Variants in PCDH7 observed in about 807,000 individuals in gnomAD.
PCDH7 encodes protocadherin-7.
Under a neutral mutation model 58.9 loss-of-function variants are expected in PCDH7, and 17 were observed. The ratio of observed to expected loss-of-function variants is 0.29; its 90% confidence interval spans 0.20 to 0.43. The LOEUF (loss-of-function observed/expected upper bound fraction) is 0.43. PCDH7 is among the 20% of genes least tolerant of loss of function. The probability of loss-of-function intolerance (pLI) is 1.00; values close to 1 mark genes in which losing one functional copy is unlikely to be tolerated. For synonymous variants in PCDH7, 664 were observed against 616.4 expected, an observed-to-expected ratio of 1.08 and a Z score of -1.14; for missense variants, 1,274 against 1,441.0, an observed-to-expected ratio of 0.88 and a Z score of 1.88.
At chr4:31,061,649 C>G (rs1047221949) in intron 3 of PCDH7, among the ~76,000 whole-genome samples, 3 of 151,516 alleles carry the variant, frequency 2.0e-5, no homozygotes, top group African/African-American at 7.3e-5. Context: ...AATGTTTTAA[C>G]AAAAGAGGCT....
exon 4 of PCDH7, chr4:31,142,561 G>A (rs571031418): frequency 4.4e-6 from 6 of 1,367,612 alleles, no homozygotes; most frequent in Admixed American, 3.8e-5. Context: ...GCTGGATGCC[G>A]GTCCGCACTT....
At chr4:30,724,470 A>G in exon 1 of PCDH7, 1 of 1,614,100 alleles carries the variant, frequency 6.2e-7, no homozygotes, top group Non-Finnish European at 8.5e-7. Context: ...CTGCAGGAAA[A>G]AAACACCAGG....
At chr4:31,033,091 T>C (rs563440169) in intron 3 of PCDH7, among the ~76,000 whole-genome samples, 2 of 152,306 alleles carry the variant, frequency 1.3e-5, no homozygotes, top group East Asian at 3.9e-4. Flanking sequence ...TTTAAAGTAA[T>C]ATTATCTGAT....
At chr4:31,091,950 C>T (rs985457733) in intron 3 of PCDH7, among the ~76,000 whole-genome samples, 1 of 151,832 alleles carries the variant, frequency 6.6e-6, no homozygotes, top group Admixed American at 6.6e-5. Context: ...CAAGCTCAAT[C>T]TGAAGTACGA....
intron 3 of PCDH7, among the ~76,000 whole-genome samples, chr4:30,997,463 T>C (rs886725920): frequency 6.6e-6 from 1 of 152,156 alleles, no homozygotes; most frequent in African/African-American, 2.4e-5. Context: ...AAAATATAAA[T>C]GTGGATGGTA....
chr4:30,834,487 A>C (rs569800686), intron 1 of PCDH7, among the ~76,000 whole-genome samples: 58 of 152,260 alleles, frequency 3.8e-4, no homozygotes, highest in African/African-American at 1.3e-3. Context: ...AGGTGCTTTG[A>C]ACCACTTCAC....
At chr4:30,837,927 T>C (rs929483134) in intron 1 of PCDH7, among the ~76,000 whole-genome samples, 18 of 149,336 alleles carry the variant, frequency 1.2e-4, no homozygotes, top group Middle Eastern at 3.3e-3. Context: ...AACATTATTG[T>C]GTTTGAATCC....
intron 1 of PCDH7, among the ~76,000 whole-genome samples, chr4:30,788,410 T>C (rs1283682198): frequency 6.6e-6 from 1 of 152,114 alleles, no homozygotes; most frequent in Non-Finnish European, 1.5e-5. Context: ...TCTTTCTATG[T>C]GACAATCAAC....
chr4:31,118,232 G>T (rs947504094), intron 3 of PCDH7, among the ~76,000 whole-genome samples: 3 of 152,166 alleles, frequency 2.0e-5, no homozygotes, highest in Admixed American at 1.3e-4. Context: ...TTGTAAGAAA[G>T]TAGCTAAGCT....
At chr4:31,001,546 C>CATGGGATG (rs1491232800) in intron 3 of PCDH7, among the ~76,000 whole-genome samples, 2 of 151,856 alleles carry the variant, frequency 1.3e-5, no homozygotes, top group Non-Finnish European at 1.5e-5. Flanking sequence ...CCATCATACC[C>CATGGGATG]ACACACACAC....
chr4:31,122,513 A>C (rs1016348680), intron 3 of PCDH7, among the ~76,000 whole-genome samples: 8 of 152,158 alleles, frequency 5.3e-5, no homozygotes, highest in African/African-American at 1.9e-4. Flanking sequence ...CTGTTTTCTA[A>C]CTTTTCCCCC....
At chr4:31,073,601 G>A (rs964441812) in intron 3 of PCDH7, among the ~76,000 whole-genome samples, 2 of 152,082 alleles carry the variant, frequency 1.3e-5, no homozygotes, top group East Asian at 3.9e-4. Flanking sequence ...CACTGAATAT[G>A]ATAATATCAA....
intron 1 of PCDH7, among the ~76,000 whole-genome samples, chr4:30,881,882 T>G (rs529093447): frequency 6.6e-6 from 1 of 152,288 alleles, no homozygotes; most frequent in South Asian, 2.1e-4. Flanking sequence ...TTCAATTTAA[T>G]TATTTATTTT....
At chr4:30,894,385 CT>C (rs1415427594) in intron 1 of PCDH7, among the ~76,000 whole-genome samples, 47 of 140,276 alleles carry the variant, frequency 3.4e-4, no homozygotes, top group Non-Finnish European at 5.9e-4. Context: ...GTAATTGTAG[CT>C]TTCCAGATAA....
At chr4:31,064,303 G>A (rs922202362) in intron 3 of PCDH7, among the ~76,000 whole-genome samples, 1 of 151,930 alleles carries the variant, frequency 6.6e-6, no homozygotes, top group African/African-American at 2.4e-5. Context: ...TCCAGATATA[G>A]GAACCTTTAA....
intron 3 of PCDH7, among the ~76,000 whole-genome samples, chr4:31,011,202 A>G (rs1227270162): frequency 6.6e-6 from 1 of 152,032 alleles, no homozygotes; most frequent in Non-Finnish European, 1.5e-5. Flanking sequence ...ATATAGATAG[A>G]TCATTCATAA....
At chr4:31,122,163 A>G (rs1359477790) in intron 3 of PCDH7, among the ~76,000 whole-genome samples, 1 of 152,148 alleles carries the variant, frequency 6.6e-6, no homozygotes, top group Non-Finnish European at 1.5e-5. Context: ...TTCTTAGATC[A>G]TCTTATTCTG....
Position 31,072,417 on chromosome 4 carries a change from A to G in PCDH7, c.*8-70056A>G, listed in dbSNP as rs561437613. Among the ~76,000 whole-genome samples the G allele has an allele frequency of 1.2e-4, 19 of 152,246 alleles. No homozygotes were observed. In the East Asian group the frequency reaches 3.5e-3, roughly 28 times the overall value. On this transcript the variant is annotated intron_variant, in intron 3 of 3. Transcript: ENST00000509759. ...CATGCATGAATAATTATGCTTTAAT[A>G]TAAGCAAACATAATGTGGAAAGAGA...
At chr4:30,966,458 A>G (rs1183680903) in intron 3 of PCDH7, among the ~76,000 whole-genome samples, 1 of 152,108 alleles carries the variant, frequency 6.6e-6, no homozygotes, top group East Asian at 1.9e-4. Flanking sequence ...TGTCAGTTTT[A>G]ATGTGTTAGC....
Sources: gnomAD v4.1 joint callset for allele counts (sites outside exome capture counted in the v4.1 genomes callset) on GRCh38, gnomAD v4.1.1 for gene constraint, MANE v1.5 for transcripts, NCBI Gene and HGNC (gene_info 2026-07-23, HGNC 2026-07-21) for gene names.